The following CFAP97 variants were observed in gnomAD, a reference collection of about 807,000 sequenced individuals.
The protein encoded by CFAP97 is cilia- and flagella-associated protein 97.
A neutral mutation model predicts 43.1 loss-of-function variants in CFAP97; 36 were observed. The ratio of observed to expected loss-of-function variants is 0.84; its 90% CI spans 0.64 to 1.10. The LOEUF is 1.10. Ranked by LOEUF, CFAP97 falls within the 50% of genes least tolerant of loss-of-function variation. The pLI is 0.00. For synonymous variants in CFAP97, 228 were observed against 225.7 expected, an observed-to-expected ratio of 1.01 and a Z score of -0.09; for missense variants, 657 against 620.3, an observed-to-expected ratio of 1.06 and a Z score of -0.63.
At chr4:185,170,680 G>C (rs1389691019) in intron 3 of CFAP97, among the ~76,000 whole-genome samples, 2 of 151,388 alleles carry the variant, frequency 1.3e-5, no homozygotes, top group Non-Finnish European at 2.9e-5. Flanking sequence ...ATTTTTCATT[G>C]AATGTTTTTA....
At chr4:185,164,323 G>A in intron 3 of CFAP97, 144 bp from the exon 4 acceptor site, 1 of 821,178 alleles carries the variant, frequency 1.2e-6, no homozygotes, top group Non-Finnish European at 1.8e-6. Context: ...GGCTGGCCTG[G>A]AACTCCTGGG....
intron 1 of CFAP97, among the ~76,000 whole-genome samples, chr4:185,198,453 A>AGG (rs1553975359): frequency 6.8e-6 from 1 of 147,380 alleles, no homozygotes; most frequent in Non-Finnish European, 1.5e-5. Flanking sequence ...AAAAAAAAAA[A>AGG]AAAGAAAGAA....
At chr4:185,192,727 G>T (rs978857438) in intron 1 of CFAP97, among the ~76,000 whole-genome samples, 11 of 135,566 alleles carry the variant, frequency 8.1e-5, no homozygotes, top group African/African-American at 3.3e-4. Flanking sequence ...GATCAGAATT[G>T]ACCTTCTTTT....
At position 185,162,551 on chromosome 4, in the gene CFAP97, C is replaced by T; in HGVS notation, c.*247G>A. The T allele has an allele frequency of 2.2e-6, 1 of 455,538 alleles. No individual in the cohort carries two copies. Among genetic ancestry groups the T allele is most frequent in the South Asian group, 2.2e-5 (1 of 44,754 alleles). The allele number at this position is 455,538 out of a possible 1,614,324, so 28.2% of individuals were successfully genotyped here. A position where few individuals can be genotyped will look rare whatever the true frequency, so the allele number is the denominator to read the frequency against. On this transcript the variant is annotated 3_prime_UTR_variant, in exon 5 of 5. Transcript: ENST00000458385. Reference sequence around the variant, plus strand: ...GACAACTGAATAATTAGAAGATACACATGCATACCACTATTTCTCTATTAA... The same window carrying T: ...GACAACTGAATAATTAGAAGATACATATGCATACCACTATTTCTCTATTAA...
intron 2 of CFAP97, among the ~76,000 whole-genome samples, chr4:185,183,676 T>G (rs895082497): frequency 8.5e-5 from 13 of 152,366 alleles, no homozygotes; most frequent in African/African-American, 3.1e-4. Context: ...TATAATAGAC[T>G]GACAGTCCTA....
chr4:185,200,829 G>C (rs756511280), intron 1 of CFAP97, among the ~76,000 whole-genome samples: 7 of 152,104 alleles, frequency 4.6e-5, no homozygotes, highest in Non-Finnish European at 1.0e-4. Context: ...TAACTGAATT[G>C]CTGCAATCTC....
intron 3 of CFAP97, among the ~76,000 whole-genome samples, chr4:185,164,774 A>G (rs1041427518): frequency 1.3e-5 from 2 of 152,250 alleles, no homozygotes; most frequent in African/African-American, 4.8e-5. Context: ...AAGGTGCTGT[A>G]AGTTGAAATA....
intron 1 of CFAP97, among the ~76,000 whole-genome samples, chr4:185,193,019 C>T (rs962138220): frequency 2.0e-5 from 3 of 152,026 alleles, no homozygotes; most frequent in East Asian, 1.9e-4. Flanking sequence ...AAATTACAGG[C>T]GTGAGCCACC....
chr4:185,188,722 A>G (rs1293898506), intron 2 of CFAP97, among the ~76,000 whole-genome samples: 2 of 152,108 alleles, frequency 1.3e-5, no homozygotes, highest in African/African-American at 2.4e-5. Flanking sequence ...TTACTTTGCA[A>G]AAGATCACTT....
At chr4:185,197,483 T>C (rs1257592904) in intron 1 of CFAP97, among the ~76,000 whole-genome samples, 5 of 152,130 alleles carry the variant, frequency 3.3e-5, no homozygotes, top group Non-Finnish European at 5.9e-5. Context: ...TGGAGCGCAG[T>C]GGCGCGTGAT....
At chr4:185,207,320 C>T (rs545767996), upstream of CFAP97, among the ~76,000 whole-genome samples, 16 of 150,610 alleles carry the variant, frequency 1.1e-4, no homozygotes, top group South Asian at 3.1e-3. Context: ...AGGTTCACAC[C>T]GTTCTCCTGC....
chr4:185,192,733 C>CTTTTTT (rs760026667), intron 1 of CFAP97, among the ~76,000 whole-genome samples: 161 of 81,390 alleles, frequency 2.0e-3, no homozygotes, highest in African/African-American at 3.4e-3. Context: ...AATTGACCTT[C>CTTTTTT]TTTTTTTTTT....
At chr4:185,203,136 G>A (rs1429636138) in intron 1 of CFAP97, among the ~76,000 whole-genome samples, 1 of 152,170 alleles carries the variant, frequency 6.6e-6, no homozygotes, top group South Asian at 2.1e-4. Flanking sequence ...GGAGTTGGGA[G>A]GCTGCAGTGA....
chr4:185,177,862 A>G (rs1321298181), intron 2 of CFAP97, among the ~76,000 whole-genome samples: 1 of 152,106 alleles, frequency 6.6e-6, no homozygotes, highest in Non-Finnish European at 1.5e-5. Context: ...AAATAAATAA[A>G]AAATAAATAA....
At chr4:185,199,418 A>G (rs551648184) in intron 1 of CFAP97, among the ~76,000 whole-genome samples, 1 of 152,018 alleles carries the variant, frequency 6.6e-6, no homozygotes, top group Non-Finnish European at 1.5e-5. Context: ...CCTATAATCC[A>G]AGCACTTTCG....
chr4:185,173,387 A>G (rs1579235782), intron 3 of CFAP97, among the ~76,000 whole-genome samples: 2 of 150,668 alleles, frequency 1.3e-5, no homozygotes, highest in Middle Eastern at 7.0e-3. Context: ...AAAAAAGTAA[A>G]CCCAGGTTCC....
intron 3 of CFAP97, among the ~76,000 whole-genome samples, chr4:185,165,403 C>T (rs4543172): frequency 0.46 from 69,801 of 151,878 alleles, 16,041 homozygotes; most frequent in Middle Eastern, 0.56. Context: ...GAGACTCATG[C>T]AGAATGTTAT....
chr4:185,203,518 C>T (rs949221160), intron 1 of CFAP97, among the ~76,000 whole-genome samples: 12 of 152,184 alleles, frequency 7.9e-5, no homozygotes, highest in Non-Finnish European at 1.6e-4. Flanking sequence ...CTACCGTCCC[C>T]GGAAGGCAGA....
intron 3 of CFAP97, among the ~76,000 whole-genome samples, chr4:185,167,407 G>A (rs1185555665): frequency 6.6e-6 from 1 of 152,170 alleles, no homozygotes; most frequent in African/African-American, 2.4e-5. Flanking sequence ...GAGGCTGCAA[G>A]TGAGTCATGA....
Sources: gnomAD v4.1 joint callset for allele counts (sites outside exome capture counted in the v4.1 genomes callset) on GRCh38, gnomAD v4.1.1 for gene constraint, MANE v1.5 for transcripts, NCBI Gene and HGNC (gene_info 2026-07-23, HGNC 2026-07-21) for gene names.